The following AP2A1 variants were observed in gnomAD, a reference collection of about 807,000 sequenced individuals.
AP2A1 encodes the protein adaptor related protein complex 2 subunit alpha 1.
In AP2A1, 21 loss-of-function variants were observed where a neutral mutation model predicts 107.3. The ratio of observed to expected loss-of-function variants is 0.20; its 90% CI spans 0.14 to 0.28. AP2A1 has a LOEUF of 0.28. Ranked by LOEUF, AP2A1 falls within the 10% of genes least tolerant of loss-of-function variation. AP2A1 has a pLI of 1.00. For missense variants in AP2A1, 873 were observed against 1,307.7 expected (o/e 0.67, Z 5.13); for synonymous variants, 602 against 564.8 (o/e 1.07, Z -0.93).
chr19:49,796,357 C>G (rs569608550), intron 7 of AP2A1: 1 of 152,530 alleles, frequency 6.6e-6, no homozygotes, highest in African/African-American at 2.4e-5. Flanking sequence ...GGCCCCCAGA[C>G]TCTCTGCTCT....
chr19:49,776,633 T>A (rs1600217506), intron 1 of AP2A1, among the ~76,000 whole-genome samples: 1 of 93,158 alleles, frequency 1.1e-5, no homozygotes, highest in South Asian at 3.1e-4. Flanking sequence ...TCATTCCCCC[T>A]GTTGCTGGCC....
At chr19:49,806,451 C>T in intron 22 of AP2A1, 198 bp downstream of exon 22, 2 of 1,436,420 alleles carry the variant, frequency 1.4e-6, no homozygotes, top group Non-Finnish European at 1.8e-6. Flanking sequence ...CTCTCCTCTT[C>T]CTGTCCCTCC....
At position 49,802,080 on chromosome 19, in the gene AP2A1, G is replaced by A. The variant is rs567167146; in HGVS notation, c.2053G>A (p.Val685Ile). 3 of 1,592,056 alleles carry A rather than the reference G, an allele frequency of 1.9e-6. No homozygotes were observed. Among genetic ancestry groups the A allele is most frequent in the African/African-American group, 1.3e-5 (1 of 74,746 alleles). The change falls in exon 15 of 23, where the codon GTC (valine) becomes ATC (isoleucine). Residue 685 changes from valine to isoleucine, a missense_variant. Physicochemically the swap from Val to Ile is conservative, Grantham distance 29. Transcript: ENST00000354293. ...SAGAGNLLVD[V>I]FDGPAAQPSL... ...AGGAGCAGGGAACCTTCTGGTGGAC[G>A]TCTTCGATGGCCCGGCCGCCCAGCC...
At chr19:49,770,014 A>G (rs1600211888) in intron 1 of AP2A1, among the ~76,000 whole-genome samples, 1 of 151,950 alleles carries the variant, frequency 6.6e-6, no homozygotes, top group Non-Finnish European at 1.5e-5. Context: ...GATTACAGGC[A>G]CCCGCCACCA....
Position 49,767,123 on chromosome 19 carries a change from C to A in AP2A1, c.-11C>A. ...TGTCCGGCCAGGCCTGGAGCCGACACCACCGCCATCATGCCGGCCGTGTCC... is the reference window on the plus strand; with the variant it reads ...TGTCCGGCCAGGCCTGGAGCCGACAACACCGCCATCATGCCGGCCGTGTCC... On this transcript the variant is annotated 5_prime_UTR_variant, in exon 1 of 23. Coordinates refer to ENST00000354293, the MANE Select transcript of AP2A1 (RefSeq NM_130787.3). 6.2e-7 allele frequency: 1 copy of A among 1,610,794 alleles called. No individual in the cohort carries two copies. Among genetic ancestry groups the A allele is most frequent in the Non-Finnish European group, 8.5e-7 (1 of 1,179,594 alleles).
intron 1 of AP2A1, among the ~76,000 whole-genome samples, chr19:49,776,338 C>T (rs1471671334): frequency 6.6e-6 from 1 of 152,150 alleles, no homozygotes; most frequent in Admixed American, 6.6e-5. Context: ...TCTGCCTGGT[C>T]CATTTCAGCC....
chr19:49,778,151 G>T (rs1410872642), intron 1 of AP2A1, among the ~76,000 whole-genome samples: 2 of 152,018 alleles, frequency 1.3e-5, no homozygotes, highest in Non-Finnish European at 2.9e-5. Context: ...ATTAACGATG[G>T]GGATATGTTC....
At chr19:49,805,382 C>G (rs545899647) in intron 18 of AP2A1, 71 bp from the exon 19 acceptor site, 2 of 1,455,838 alleles carry the variant, frequency 1.4e-6, no homozygotes, top group South Asian at 1.4e-5. Context: ...GCCGGGAGCT[C>G]TGGGGTTCCT....
chr19:49,788,844 A>C lies in AP2A1; in HGVS notation c.474-3091A>C, dbSNP rs1011307888. 6.6e-5 allele frequency among the ~76,000 whole-genome samples: 10 copies of C among 152,170 alleles called. No homozygotes were observed. Among genetic ancestry groups the C allele is most frequent in the Non-Finnish European group, 1.3e-4 (9 of 68,020 alleles). On this transcript the variant is annotated intron_variant, in intron 4 of 22. Transcript: ENST00000354293. The surrounding 1 kb of genome is among the most constrained non-coding windows in gnomAD (Gnocchi z 4.5). ...CTTGCTGGTTTCTGGTTCTAACTTG[A>C]TGACCACTGGGCAGTGAACGTTTCT...
intron 4 of AP2A1, among the ~76,000 whole-genome samples, chr19:49,784,714 C>T (rs2084717370): frequency 6.6e-6 from 1 of 151,844 alleles, no homozygotes; most frequent in Non-Finnish European, 1.5e-5. Context: ...GCCACAAAAA[C>T]TAAAATATTA....
rs756472720 is a variant in AP2A1, at chr19:49,792,069, GC to G, written c.603+10del. On this transcript the variant is annotated splice_donor_region_variant and intron_variant, in intron 5 of 22. Transcript: ENST00000354293. ...CTGCTCAATGACCAGCACATGGTGAGCCCCCAGCCCTCACACCCCCGGATAC... is the reference window on the plus strand; with the variant it reads ...CTGCTCAATGACCAGCACATGGTGAGCCCCAGCCCTCACACCCCCGGATAC... 2 of 1,610,956 alleles carry G rather than the reference GC, an allele frequency of 1.2e-6. No individual in the cohort carries two copies. Among genetic ancestry groups the G allele is most frequent in the Non-Finnish European group, 8.5e-7 (1 of 1,179,194 alleles).
chr19:49,787,347 GTTTT>G (rs199550216), intron 4 of AP2A1, among the ~76,000 whole-genome samples: 1 of 96,182 alleles, frequency 1.0e-5, no homozygotes, highest in Non-Finnish European at 2.0e-5. Flanking sequence ...TGTTTTTTTT[GTTTT>G]TTGTTTTTTT....
At chr19:49,789,407 C>T (rs934940912) in intron 4 of AP2A1, among the ~76,000 whole-genome samples, 41 of 152,282 alleles carry the variant, frequency 2.7e-4, no homozygotes, top group African/African-American at 9.9e-4. Flanking sequence ...TCTCCTGCCC[C>T]AGCCTCCCGA....
intron 6 of AP2A1, 49 bp downstream of exon 6, chr19:49,793,141 A>G (rs935584924): frequency 9.3e-6 from 14 of 1,502,926 alleles, no homozygotes; most frequent in Non-Finnish European, 1.1e-5. Context: ...TGGCATCCCT[A>G]TGCCCTCTGA....
intron 22 of AP2A1, 81 bp from the exon 23 acceptor site, chr19:49,806,600 C>G: frequency 6.4e-7 from 1 of 1,553,566 alleles, no homozygotes; most frequent in Non-Finnish European, 8.7e-7. Context: ...CTTTATCCTT[C>G]CTTCCTTCTA....
intron 6 of AP2A1, among the ~76,000 whole-genome samples, chr19:49,795,064 C>A (rs2073195034): frequency 6.6e-6 from 1 of 152,236 alleles, no homozygotes; most frequent in African/African-American, 2.4e-5. Context: ...CAGACCCAAT[C>A]CCTGCCCCTG....
Position 49,801,429 on chromosome 19 carries a change from T to A in AP2A1, c.1593T>A (p.His531Gln). Reference protein sequence around the residue: ...VQFSLLHSKFHLCSVATRALL... With the variant: ...VQFSLLHSKFQLCSVATRALL... ...TCTCCCTGCTCCACTCCAAGTTCCA[T>A]CTGTGCAGCGTGGCCACGCGGGCGC... The change falls in exon 13 of 23, where the codon CAT (histidine) becomes CAA (glutamine). Residue 531 changes from histidine to glutamine, a missense_variant. Physicochemically the swap from His to Gln is conservative, Grantham distance 24. Around this residue, in one of 4 missense-constraint regions of AP2A1, gnomAD observed 213 missense variants for 443.5 expected, o/e 0.48. Coordinates refer to ENST00000354293, the MANE Select transcript of AP2A1 (RefSeq NM_130787.3). 1.2e-6 allele frequency: 2 copies of A among 1,613,688 alleles called. No individual in the cohort carries two copies.
In AP2A1 at chr19:49,800,924, T is replaced by C. The variant is rs1381597142; in HGVS notation, c.1456-37T>C. On this transcript the variant is annotated intron_variant, in intron 11 of 22. Coordinates refer to ENST00000354293, the MANE Select transcript of AP2A1 (RefSeq NM_130787.3). ...CCACCGATCCCGGAGAGGGCGCTCA[T>C]TGTTGTCCTCTCCACGCCCTTCCCC... 2.6e-6 allele frequency: 4 copies of C among 1,536,902 alleles called. No homozygotes were observed. The East Asian group carries it at 7.1e-5, about 27-fold the overall frequency.
At chr19:49,802,926 C>G in intron 15 of AP2A1, 23 bp from the exon 16 acceptor site, 1 of 1,610,042 alleles carries the variant, frequency 6.2e-7, no homozygotes, top group Non-Finnish European at 8.5e-7. Flanking sequence ...TCCTTCCCAT[C>G]TCACTCTGCT....
Sources: allele counts gnomAD v4.1 joint callset (sites outside exome capture counted in the v4.1 genomes callset), GRCh38; gene constraint gnomAD v4.1.1; regional missense constraint gnomAD v4.1.1; non-coding constraint Gnocchi (gnomAD v3.1); transcripts MANE v1.5; gene names NCBI Gene and HGNC (gene_info 2026-07-23, HGNC 2026-07-21).